Variants in PEPD observed in about 807,000 individuals in gnomAD.
The protein encoded by PEPD is peptidase D.
Under a neutral mutation model 60.7 loss-of-function variants are expected in PEPD, and 53 were observed. That is an observed-to-expected ratio of 0.87 (90% CI 0.70 to 1.10). PEPD has a LOEUF of 1.10. Among genes scored for constraint, PEPD ranks in the 50% least tolerant of loss-of-function variants. The pLI, the probability that PEPD is intolerant of heterozygous loss-of-function variation, is 0.00. For missense variants in PEPD, 711 were observed against 711.9 expected, an observed-to-expected ratio of 1.00 and a Z score of 0.01; for synonymous variants, 267 against 284.1, an observed-to-expected ratio of 0.94 and a Z score of 0.60.
rs568206678 is a variant in PEPD, at chr19:33,419,455, C to G, written c.672-5812G>C. Among the ~76,000 whole-genome samples, 7 of 152,340 alleles carry G rather than the reference C, an allele frequency of 4.6e-5. No homozygotes were observed. In the East Asian group the frequency reaches 1.2e-3, roughly 25 times the overall value. ...AACAACCCTTTGGGGGCTGAGGGAT[C>G]TTCCCACTGCACAGAGGATGCTGCA... On this transcript the variant is annotated intron_variant, in intron 9 of 14. Transcript: ENST00000244137.
At position 33,510,384 on chromosome 19, in the gene PEPD, G is replaced by A. The variant is rs191350271; in HGVS notation, c.329+644C>T. Among the ~76,000 whole-genome samples the A allele has an allele frequency of 1.2e-4, 18 of 152,322 alleles. No individual in the cohort carries two copies. The East Asian group carries it at 3.5e-3, about 29-fold the overall frequency. ...GAGGGGGGCTCCAAAGCCAAAAGAG[G>A]AGGTCCCCAAGTGCAGTGGACACCA... On this transcript the variant is annotated intron_variant, in intron 3 of 14. Transcript: ENST00000244137.
intron 4 of PEPD, among the ~76,000 whole-genome samples, chr19:33,494,209 C>G (rs983263357): frequency 6.6e-6 from 1 of 152,210 alleles, no homozygotes; most frequent in African/African-American, 2.4e-5. Flanking sequence ...TGAGCACCCC[C>G]TGGGCAGAGA....
chr19:33,420,522 G>A (rs991503243), intron 9 of PEPD, among the ~76,000 whole-genome samples: 4 of 152,070 alleles, frequency 2.6e-5, no homozygotes, highest in African/African-American at 9.7e-5. Context: ...GGCCAACATG[G>A]TAAAACCCGT....
At chr19:33,478,013 C>A in intron 7 of PEPD, 33 bp downstream of exon 7, 1 of 1,546,470 alleles carries the variant, frequency 6.5e-7, no homozygotes, top group Non-Finnish European at 8.9e-7. Context: ...CCGAGCACAA[C>A]AAACAGGCAA....
chr19:33,507,301 C>A (rs752830898), intron 3 of PEPD, among the ~76,000 whole-genome samples: 9 of 152,152 alleles, frequency 5.9e-5, no homozygotes, highest in Non-Finnish European at 1.3e-4. Flanking sequence ...CCACCCTCCA[C>A]TAAGCCCAAC....
At chr19:33,448,991 G>A (rs908404287) in intron 9 of PEPD, among the ~76,000 whole-genome samples, 1 of 152,166 alleles carries the variant, frequency 6.6e-6, no homozygotes, top group Admixed American at 6.5e-5. Flanking sequence ...TGGAGAATGA[G>A]AGGTGGGGAC....
chr19:33,440,355 G>C (rs1012420597), intron 9 of PEPD, among the ~76,000 whole-genome samples: 7 of 152,184 alleles, frequency 4.6e-5, no homozygotes, highest in African/African-American at 1.4e-4. Flanking sequence ...AACCTACCCA[G>C]GGCCTGCCTG....
At chr19:33,406,133 G>A (rs1968618529) in intron 11 of PEPD, among the ~76,000 whole-genome samples, 1 of 152,226 alleles carries the variant, frequency 6.6e-6, no homozygotes, top group African/African-American at 2.4e-5. Context: ...GGGCGTCAGG[G>A]CAGTGGCCTT....
At chr19:33,462,224 G>C (rs540808907) in intron 9 of PEPD, among the ~76,000 whole-genome samples, 1 of 152,212 alleles carries the variant, frequency 6.6e-6, no homozygotes, top group Non-Finnish European at 1.5e-5. Context: ...CAGAAACCAA[G>C]CTCTCACAAG....
At chr19:33,458,179 T>C (rs1331181424) in intron 9 of PEPD, among the ~76,000 whole-genome samples, 1 of 150,890 alleles carries the variant, frequency 6.6e-6, no homozygotes, top group Non-Finnish European at 1.5e-5. Flanking sequence ...ATGTGTGTGG[T>C]GTGAATGTGT....
chr19:33,394,437 T>C (rs1968317775), intron 12 of PEPD, among the ~76,000 whole-genome samples: 2 of 152,248 alleles, frequency 1.3e-5, no homozygotes, highest in African/African-American at 4.8e-5. Flanking sequence ...TCCTTGCCTG[T>C]GCACCCTCGG....
chr19:33,507,179 G>T (rs1208478398), intron 3 of PEPD, among the ~76,000 whole-genome samples: 1 of 152,104 alleles, frequency 6.6e-6, no homozygotes, highest in African/African-American at 2.4e-5. Flanking sequence ...AGCCGGGGAC[G>T]GAATGCGTTA....
intron 9 of PEPD, among the ~76,000 whole-genome samples, chr19:33,433,632 C>T (rs1243700116): frequency 6.6e-6 from 1 of 152,224 alleles, no homozygotes; most frequent in Non-Finnish European, 1.5e-5. Context: ...TTTATAATTG[C>T]TTCTAATAGA....
At chr19:33,503,692 A>G (rs543035475) in intron 3 of PEPD, among the ~76,000 whole-genome samples, 1 of 152,188 alleles carries the variant, frequency 6.6e-6, no homozygotes, top group Non-Finnish European at 1.5e-5. Context: ...CAACACATCA[A>G]CTCGGACTTT....
chr19:33,402,782 G>C (rs950962308), intron 11 of PEPD, among the ~76,000 whole-genome samples: 1 of 152,204 alleles, frequency 6.6e-6, no homozygotes, highest in Non-Finnish European at 1.5e-5. Flanking sequence ...TCCAGGACGG[G>C]AGGGGCCTGG....
chr19:33,413,983 G>GA (rs1239676615), intron 9 of PEPD, among the ~76,000 whole-genome samples: 1 of 152,236 alleles, frequency 6.6e-6, no homozygotes, highest in Non-Finnish European at 1.5e-5. Context: ...CGCCCTGTGG[G>GA]AAGCCGGGCT....
chr19:33,463,076 T>G, intron 8 of PEPD, 35 bp from the exon 9 acceptor site: 1 of 1,303,828 alleles, frequency 7.7e-7, no homozygotes, highest in Non-Finnish European at 1.1e-6. Flanking sequence ...ACATTTGTAT[T>G]AAGCAGATCA....
chr19:33,478,024 G>A (rs1970250710), intron 7 of PEPD, 22 bp downstream of exon 7: 1 of 1,583,714 alleles, frequency 6.3e-7, no homozygotes, highest in Non-Finnish European at 8.7e-7. Context: ...AAACAGGCAA[G>A]GTGACCACAG....
At chr19:33,387,625 T>A in intron 14 of PEPD, 144 bp from the exon 15 acceptor site, 7 of 1,030,898 alleles carry the variant, frequency 6.8e-6, no homozygotes, top group Non-Finnish European at 1.0e-5. Context: ...GGCTCCTTCA[T>A]GGAGCCATCT....
Sources: allele counts gnomAD v4.1 joint callset (sites outside exome capture counted in the v4.1 genomes callset), GRCh38; gene constraint gnomAD v4.1.1; transcripts MANE v1.5; gene names NCBI Gene and HGNC (gene_info 2026-07-23, HGNC 2026-07-21).